Variants in ANO3 observed in about 807,000 individuals in gnomAD.
ANO3 encodes the protein anoctamin-3.
A neutral mutation model predicts 144.8 loss-of-function variants in ANO3; 99 were observed. The observed-to-expected ratio is 0.68, with a 90% CI of 0.58 to 0.81. The LOEUF (loss-of-function observed/expected upper bound fraction) is 0.81, where lower values mean the gene tolerates loss of function less well. Among genes scored for constraint, ANO3 ranks in the 30% least tolerant of loss-of-function variants. ANO3 has a pLI of 0.00. For missense variants in ANO3, 905 were observed against 1,202.2 expected, an observed-to-expected ratio of 0.75 and a Z score of 3.66; for synonymous variants, 414 against 392.6, an observed-to-expected ratio of 1.05 and a Z score of -0.64.
At chr11:26,619,475 A>ATT (rs1465593163) in intron 17 of ANO3, among the ~76,000 whole-genome samples, 1 of 151,216 alleles carries the variant, frequency 6.6e-6, no homozygotes. Flanking sequence ...TTTATTATTT[A>ATT]TTTTTTTTTA....
intron 6 of ANO3, among the ~76,000 whole-genome samples, chr11:26,519,105 CATT>C (rs1861969047): frequency 6.6e-6 from 1 of 152,126 alleles, no homozygotes; most frequent in Non-Finnish European, 1.5e-5. Flanking sequence ...ATGAATTCAT[CATT>C]GTTTCTAAGC....
chr11:26,272,186 A>G (rs1328389845), intron 1 of ANO3, among the ~76,000 whole-genome samples: 1 of 152,110 alleles, frequency 6.6e-6, no homozygotes, highest in Non-Finnish European at 1.5e-5. Context: ...TAAACCTTGA[A>G]TAACACATGG....
rs543662791 is a variant in ANO3, at chr11:26,560,914, T to C, written c.1447+1135T>C. 3.4e-4 allele frequency: 241 copies of C among 715,692 alleles called. No individual in the cohort carries two copies. The African/African-American group carries it at 4.1e-3, about 12-fold the overall frequency. 44.3% of individuals were successfully genotyped at this position (715,692 alleles called of 1,614,324 possible). A position where few individuals can be genotyped will look rare whatever the true frequency, so the allele number is the denominator to read the frequency against. ...GAAAACCTTTGGATGATACATCCTG[T>C]CTACATTTCTGCTACTGGTCTCCTG... On this transcript the variant is annotated intron_variant, in intron 14 of 26. Coordinates refer to ENST00000256737, the MANE Select transcript of ANO3 (RefSeq NM_031418.4).
chr11:26,289,615 AT>A (rs1853898185), intron 1 of ANO3, among the ~76,000 whole-genome samples: 1 of 92,112 alleles, frequency 1.1e-5, no homozygotes, highest in African/African-American at 6.3e-5. Flanking sequence ...ACACACATAT[AT>A]TCTATATGTG....
Position 26,442,095 on chromosome 11 carries a change from C to T in ANO3, c.224C>T (p.Thr75Ile). Residue 75 changes from threonine (T) to isoleucine (I), a missense_variant, in exon 2 of 27, where the codon ACT (threonine) becomes ATT (isoleucine). By Grantham distance (89) the Thr-to-Ile change is moderately conservative. Coordinates refer to ENST00000256737, the MANE Select transcript of ANO3 (RefSeq NM_031418.4). The stretch of plus-strand genomic sequence containing the variant: ...CCCACATCTATAACCTTAATCTCCA[C>T]TGACAAAGCAGAGCAAGGTGAGCAG... ...QAPTSITLISTDKAEQVNTEE... is the reference protein window; with the variant it reads ...QAPTSITLISIDKAEQVNTEE... 6.2e-7 allele frequency: 1 copy of T among 1,612,188 alleles called. No homozygotes were observed. Among genetic ancestry groups the T allele is most frequent in the Admixed American group, 1.7e-5 (1 of 59,566 alleles).
At chr11:26,394,503 C>T (rs1430431255) in intron 1 of ANO3, among the ~76,000 whole-genome samples, 1 of 150,384 alleles carries the variant, frequency 6.6e-6, no homozygotes, top group East Asian at 1.9e-4. Context: ...CAGTATTAAA[C>T]AGTATTGACC....
intron 1 of ANO3, among the ~76,000 whole-genome samples, chr11:26,338,220 C>A (rs903319432): frequency 6.6e-6 from 1 of 152,136 alleles, no homozygotes; most frequent in African/African-American, 2.4e-5. Context: ...TGAGTGGGAA[C>A]TTGGAGAACT....
chr11:26,443,727 T>C, intron 2 of ANO3, 38 bp from the exon 3 acceptor site: 3 of 1,341,688 alleles, frequency 2.2e-6, no homozygotes, highest in South Asian at 2.7e-5. Flanking sequence ...GTTATGCTTT[T>C]ATTTCCCAAA....
At chr11:26,191,618 G>GT (rs1386834607) in intron 1 of ANO3, among the ~76,000 whole-genome samples, 2 of 151,990 alleles carry the variant, frequency 1.3e-5, no homozygotes, top group East Asian at 1.9e-4. Flanking sequence ...TTTAAGCTCT[G>GT]TTTTTTTCCA....
rs770936922 is a variant in ANO3 at position 26,442,053 on chromosome 11, A to C, written c.182A>C (p.Glu61Ala). ...SQSTSLFQST[E>A]SESQAPTSIT... is the part of the protein sequence containing the mutation. ...TCTACTTCCCTCTTCCAGTCAACCG[A>C]GAGTGAATCTCAGGCTCCCACATCT... The change falls in exon 2 of 27, where the codon GAG becomes GCG. Residue 61 changes from glutamate to alanine, a missense_variant. This residue lies in a region of ANO3 where 174 missense variants were observed against 171.9 expected (regional missense o/e 1.01). Coordinates refer to ENST00000256737, the MANE Select transcript of ANO3 (RefSeq NM_031418.4). 108 of 1,614,082 alleles carry C rather than the reference A, an allele frequency of 6.7e-5. No homozygotes were observed. Among genetic ancestry groups the C allele is most frequent in the East Asian group, 4.2e-4 (19 of 44,898 alleles).
intron 1 of ANO3, among the ~76,000 whole-genome samples, chr11:26,323,114 C>A (rs1444110392): frequency 6.6e-6 from 1 of 151,826 alleles, no homozygotes; most frequent in African/African-American, 2.4e-5. Flanking sequence ...TGTTTTTTAA[C>A]CACTTTCTTA....
Position 26,537,573 on chromosome 11 carries a change from A to G in ANO3, c.1032+112A>G. ...CCACTCCCAGGAGGATTCAGTCTGCAAGTAGCCATGGGCCTTCTGTCTCCC... is the reference window on the plus strand; with the variant it reads ...CCACTCCCAGGAGGATTCAGTCTGCGAGTAGCCATGGGCCTTCTGTCTCCC... On this transcript the variant is annotated intron_variant, in intron 10 of 26. Transcript: ENST00000256737. The G allele has an allele frequency of 6.6e-6, 6 of 911,920 alleles. No individual in the cohort carries two copies. In the South Asian group the frequency reaches 8.1e-5, roughly 12 times the overall value. 56.5% of individuals were successfully genotyped at this position (911,920 alleles called of 1,614,324 possible). A position where few individuals can be genotyped will look rare whatever the true frequency, so the allele number is the denominator to read the frequency against.
At chr11:26,407,895 C>CT (rs1224946371) in intron 1 of ANO3, among the ~76,000 whole-genome samples, 3 of 151,892 alleles carry the variant, frequency 2.0e-5, no homozygotes, top group Non-Finnish European at 2.9e-5. Context: ...ACAGATGTTA[C>CT]TACATGTTAT....
At chr11:26,574,605 C>A (rs1247124101) in intron 14 of ANO3, among the ~76,000 whole-genome samples, 1 of 152,000 alleles carries the variant, frequency 6.6e-6, no homozygotes, top group Non-Finnish European at 1.5e-5. Context: ...TAATGATATT[C>A]TTTATAAATA....
intron 1 of ANO3, among the ~76,000 whole-genome samples, chr11:26,352,283 TC>T (rs1373914097): frequency 6.6e-6 from 1 of 152,224 alleles, no homozygotes; most frequent in Non-Finnish European, 1.5e-5. Context: ...GAGCAAATAG[TC>T]ATCCACCTTG....
At chr11:26,532,642 T>C (rs1002912742) in intron 8 of ANO3, among the ~76,000 whole-genome samples, 2 of 152,152 alleles carry the variant, frequency 1.3e-5, no homozygotes, top group African/African-American at 4.8e-5. Flanking sequence ...TGGTTCTATC[T>C]GTTGAAAGCT....
intron 1 of ANO3, among the ~76,000 whole-genome samples, chr11:26,237,830 T>G (rs1300680585): frequency 6.6e-6 from 1 of 152,146 alleles, no homozygotes; most frequent in Non-Finnish European, 1.5e-5. Context: ...ATTTATAATT[T>G]TGCATATCAC....
chr11:26,463,419 C>A (rs781318689), intron 4 of ANO3, among the ~76,000 whole-genome samples: 1 of 151,724 alleles, frequency 6.6e-6, no homozygotes, highest in Non-Finnish European at 1.5e-5. Context: ...GGCTTTATTT[C>A]TTCATCTTTC....
intron 4 of ANO3, among the ~76,000 whole-genome samples, chr11:26,466,276 A>C (rs1859598515): frequency 6.6e-6 from 1 of 151,422 alleles, no homozygotes; most frequent in Admixed American, 6.6e-5. Flanking sequence ...ATCTGTATTT[A>C]GTTAGCCTCA....
Sources: gnomAD v4.1 joint callset for allele counts (sites outside exome capture counted in the v4.1 genomes callset) on GRCh38, gnomAD v4.1.1 for gene constraint, gnomAD v4.1.1 regional missense constraint, MANE v1.5 for transcripts, NCBI Gene and HGNC (gene_info 2026-07-23, HGNC 2026-07-21) for gene names.